Variants in CDH18 observed in about 807,000 individuals in gnomAD.
The protein encoded by CDH18 is cadherin 18, also known as cadherin-18.
CDH18 carries 31 observed loss-of-function variants against 67.9 expected under a neutral mutation model. The observed-to-expected ratio is 0.46, with a 90% CI of 0.34 to 0.62. The LOEUF is 0.62. CDH18 is among the 20% of genes least tolerant of loss of function. CDH18 has a pLI of 0.01. For missense variants in CDH18, 890 were observed against 975.5 expected (o/e 0.91, Z 1.17); for synonymous variants, 362 against 347.2 (o/e 1.04, Z -0.48).
At chr5:20,441,947 C>A (rs1277260995) in intron 1 of CDH18, among the ~76,000 whole-genome samples, 1 of 151,742 alleles carries the variant, frequency 6.6e-6, no homozygotes, top group Non-Finnish European at 1.5e-5. Flanking sequence ...GTTCCTACAT[C>A]GAGAGAAACA....
chr5:20,487,917 C>T (rs1347836803), intron 1 of CDH18, among the ~76,000 whole-genome samples: 2 of 152,054 alleles, frequency 1.3e-5, no homozygotes, highest in African/African-American at 4.8e-5. Flanking sequence ...AATTCGAGAT[C>T]CTAATGTAAA....
chr5:20,211,257 G>A (rs1049045224), intron 2 of CDH18, among the ~76,000 whole-genome samples: 1 of 152,136 alleles, frequency 6.6e-6, no homozygotes, highest in Non-Finnish European at 1.5e-5. Flanking sequence ...CAGCCGGGAA[G>A]CTCGAACTGG....
At chr5:20,373,834 C>T (rs1326437307) in intron 1 of CDH18, among the ~76,000 whole-genome samples, 1 of 151,918 alleles carries the variant, frequency 6.6e-6, no homozygotes, top group African/African-American at 2.4e-5. Flanking sequence ...ACAATCTGTA[C>T]AATTTCTTTG....
chr5:20,117,339 G>A (rs1243588442), intron 2 of CDH18, among the ~76,000 whole-genome samples: 1 of 152,078 alleles, frequency 6.6e-6, no homozygotes, highest in Non-Finnish European at 1.5e-5. Flanking sequence ...CAAGAAAAAT[G>A]AAGTATGACT....
chr5:20,346,513 T>C (rs1051304878), intron 1 of CDH18, among the ~76,000 whole-genome samples: 2 of 152,104 alleles, frequency 1.3e-5, no homozygotes, highest in East Asian at 3.9e-4. Flanking sequence ...GTGGGTGAAC[T>C]TGAAAAAATA....
At chr5:20,542,382 C>T (rs1757097760) in intron 1 of CDH18, among the ~76,000 whole-genome samples, 1 of 151,368 alleles carries the variant, frequency 6.6e-6, no homozygotes. Flanking sequence ...AAAACATCCC[C>T]ATCATGGTCT....
At chr5:20,107,085 T>TTC (rs1554091114) in intron 2 of CDH18, among the ~76,000 whole-genome samples, 1 of 4,844 alleles carries the variant, frequency 2.1e-4, no homozygotes, top group East Asian at 0.01. Flanking sequence ...TATAACTTTC[T>TTC]TTTTTTTTTT....
rs1491434523 is a variant in CDH18, at chr5:20,501,918, A to ACACACG, written c.-580+73543_-580+73544insCGTGTG. ...TACACACACACACACACACACACAC[A>ACACACG]TTTTATTATTTCAAGAAAACAGCAA... On this transcript the variant is annotated intron_variant, in intron 1 of 14. Coordinates refer to the CDH18 transcript ENST00000507958. Among the ~76,000 whole-genome samples the ACACACG allele has an allele frequency of 3.6e-4, 54 of 149,068 alleles. 4 individuals carry two copies. Among genetic ancestry groups the ACACACG allele is most frequent in the African/African-American group, 1.2e-3 (49 of 40,524 alleles).
chr5:20,400,456 C>A (rs111434770), intron 1 of CDH18, among the ~76,000 whole-genome samples: 1,610 of 151,924 alleles, frequency 0.011, 32 homozygotes, highest in African/African-American at 0.037. Context: ...CCAGGCTGGG[C>A]AACAGAGCAA....
chr5:20,422,529 T>C (rs996046405), intron 1 of CDH18, among the ~76,000 whole-genome samples: 3 of 151,092 alleles, frequency 2.0e-5, no homozygotes, highest in Non-Finnish European at 4.4e-5. Context: ...TGAATGGATT[T>C]TTATATTACA....
At chr5:20,163,273 A>T (rs1250047500) in intron 2 of CDH18, among the ~76,000 whole-genome samples, 1 of 152,124 alleles carries the variant, frequency 6.6e-6, no homozygotes, top group Non-Finnish European at 1.5e-5. Context: ...AAACTTAACA[A>T]TATAAAATTA....
intron 2 of CDH18, among the ~76,000 whole-genome samples, chr5:19,930,644 A>G (rs2174960): frequency 0.013 from 1,920 of 152,114 alleles, 55 homozygotes; most frequent in African/African-American, 0.044. Context: ...AGGGTAAGGT[A>G]GCAAGTGTAG....
At chr5:20,534,983 G>A (rs1003376240) in intron 1 of CDH18, among the ~76,000 whole-genome samples, 2 of 151,852 alleles carry the variant, frequency 1.3e-5, no homozygotes, top group African/African-American at 4.8e-5. Flanking sequence ...TGTGATTATA[G>A]CCTACCTTTG....
At chr5:19,950,451 T>C (rs543341919) in intron 2 of CDH18, among the ~76,000 whole-genome samples, 37 of 151,834 alleles carry the variant, frequency 2.4e-4, no homozygotes, top group Non-Finnish European at 3.7e-4. Context: ...TGCACAAAAA[T>C]CTCAGAAATC....
intron 1 of CDH18, among the ~76,000 whole-genome samples, chr5:20,497,664 T>C (rs1309430520): frequency 6.6e-6 from 1 of 152,118 alleles, no homozygotes; most frequent in African/African-American, 2.4e-5. Context: ...GAAAACTAGG[T>C]CATGATTTTT....
chr5:20,412,886 C>A (rs937612323), intron 1 of CDH18, among the ~76,000 whole-genome samples: 23 of 152,126 alleles, frequency 1.5e-4, no homozygotes, highest in Admixed American at 2.0e-4. Context: ...CATATGTATA[C>A]ATGTGCATGT....
intron 2 of CDH18, among the ~76,000 whole-genome samples, chr5:20,090,360 C>G (rs751954873): frequency 1.3e-5 from 2 of 152,006 alleles, no homozygotes; most frequent in Non-Finnish European, 2.9e-5. Context: ...TATAGAGAAA[C>G]CCCGTCTCTA....
chr5:19,712,698 A>G (rs112683696), intron 5 of CDH18, among the ~76,000 whole-genome samples: 2,521 of 150,540 alleles, frequency 0.017, 42 homozygotes, highest in African/African-American at 0.045. Context: ...TGTATTCTAC[A>G]TATATGTATA....
At chr5:19,518,733 C>T (rs1453411654) in intron 10 of CDH18, among the ~76,000 whole-genome samples, 1 of 152,096 alleles carries the variant, frequency 6.6e-6, no homozygotes, top group Non-Finnish European at 1.5e-5. Context: ...CTGTTGGCTT[C>T]CCTAATATTG....
Sources: gnomAD v4.1 joint callset for allele counts (sites outside exome capture counted in the v4.1 genomes callset) on GRCh38, gnomAD v4.1.1 for gene constraint, MANE v1.5 for transcripts, NCBI Gene and HGNC (gene_info 2026-07-23, HGNC 2026-07-21) for gene names.